The following C1orf94 variants were observed in gnomAD, a reference collection of about 807,000 sequenced individuals.
C1orf94 encodes the protein uncharacterized protein C1orf94.
A neutral mutation model predicts 53.6 loss-of-function variants in C1orf94; 45 were observed. That is an observed-to-expected ratio of 0.84 (90% CI 0.66 to 1.08). The LOEUF (loss-of-function observed/expected upper bound fraction) is 1.08. C1orf94 is among the 50% of genes least tolerant of loss of function. C1orf94 has a pLI of 0.00. For synonymous variants in C1orf94, 304 were observed against 296.1 expected (o/e 1.03, Z -0.27); for missense variants, 762 against 738.9 (o/e 1.03, Z -0.36).
At chr1:34,175,566 C>T (rs1198891620), upstream of C1orf94, among the ~76,000 whole-genome samples, 2 of 152,220 alleles carry the variant, frequency 1.3e-5, no homozygotes, top group African/African-American at 4.8e-5. Flanking sequence ...GAGAATGAAG[C>T]TCAGATTTCA....
At position 34,218,812 on chromosome 1, in the gene C1orf94, C is replaced by A; in HGVS notation, c.*51C>A. ...TTAGCCCTTGGATCAGGACTAGGGG[C>A]TCTGATTTTTGGATTCTGCAAAAGC... On this transcript the variant is annotated 3_prime_UTR_variant, in exon 7 of 7. Transcript: ENST00000488417. 1 of 1,471,758 alleles carries A rather than the reference C, an allele frequency of 6.8e-7. No homozygotes were observed. The highest frequency in any genetic ancestry group is 9.2e-7 in the Non-Finnish European group (1 of 1,083,124). The allele number at this position is 1,471,758 out of a possible 1,614,324, so 91.2% of individuals were successfully genotyped here. A position where few individuals can be genotyped will look rare whatever the true frequency, so the allele number is the denominator to read the frequency against.
At position 34,178,082 on chromosome 1, in the gene C1orf94, G is replaced by A. The variant is rs1357733317; in HGVS notation, c.293G>A (p.Arg98Lys). The part of the protein sequence containing the change: ...QLSVPVVGTL[R>K]GNELSFQEEA... ...TCTGTCCCTGTGGTTGGAACTCTAA[G>A]AGGCAATGAGCTCAGCTTTCAAGAA... The change falls in exon 1 of 7, where the codon AGA becomes AAA. Residue 98 changes from arginine (R) to lysine (K), a missense_variant. Arg to Lys is a conservative substitution (Grantham distance 26, BLOSUM62 2). Coordinates refer to ENST00000488417, the MANE Select transcript of C1orf94 (RefSeq NM_001134734.2). The A allele has an allele frequency of 1.3e-6, 2 of 1,551,668 alleles. No homozygotes were observed. Among genetic ancestry groups the A allele is most frequent in the East Asian group, 2.4e-5 (1 of 40,908 alleles).
intron 1 of C1orf94, among the ~76,000 whole-genome samples, chr1:34,191,854 G>A (rs894120358): frequency 5.9e-5 from 9 of 152,174 alleles, no homozygotes; most frequent in African/African-American, 2.2e-4. Context: ...GAGAAGGGGT[G>A]CCAACCAGTC....
upstream of C1orf94, among the ~76,000 whole-genome samples, chr1:34,174,297 G>A (rs1403130612): frequency 1.3e-5 from 2 of 152,174 alleles, no homozygotes; most frequent in Non-Finnish European, 2.9e-5. Context: ...TGTATAACAC[G>A]TTTATCTGTC....
rs1346168352 is a variant in C1orf94, at chr1:34,197,330, G to A, written c.426G>A (p.Gly142=). ...EHSILVEESS[G]ELEVPGSSPE... ...CGATCCTGGTCGAAGAGAGTTCTGG[G>A]GAGCTGGAGGTACCCGGCAGCTCTC... is the stretch of plus-strand genomic sequence containing the variant. Residue 142 remains glycine (G), a synonymous_variant, in exon 2 of 7, where the codon GGG becomes GGA. Transcript: ENST00000488417. The surrounding 1 kb of genome is among the most constrained non-coding windows in gnomAD (Gnocchi z 4.1). 2 of 1,580,088 alleles carry A rather than the reference G, an allele frequency of 1.3e-6. No individual in the cohort carries two copies. The highest frequency in any genetic ancestry group is 1.4e-5 in the African/African-American group (1 of 73,938).
chr1:34,176,717 G>T (rs1199096110), upstream of C1orf94, among the ~76,000 whole-genome samples: 2 of 152,208 alleles, frequency 1.3e-5, no homozygotes, highest in African/African-American at 4.8e-5. Flanking sequence ...CCCATAAAAT[G>T]GCAGTTAGGA....
intron 5 of C1orf94, among the ~76,000 whole-genome samples, chr1:34,209,551 A>C (rs1017033210): frequency 6.6e-6 from 1 of 152,086 alleles, no homozygotes; most frequent in Non-Finnish European, 1.5e-5. Context: ...GGACACCCCC[A>C]CACTCCAACT....
rs1287534983 is a variant in C1orf94 at position 34,185,132 on chromosome 1, C to T, written c.320+7023C>T. ...AGTTGGAACCCTTTGCTCTGAGACC[C>T]AACCCTTAAGCAAGTGTCTCCCTCT... On this transcript the variant is annotated intron_variant, in intron 1 of 6. Coordinates refer to ENST00000488417, the MANE Select transcript of C1orf94 (RefSeq NM_001134734.2). Among the ~76,000 whole-genome samples, 6 of 152,104 alleles carry T rather than the reference C, an allele frequency of 3.9e-5. No individual in the cohort carries two copies. In the East Asian group the frequency reaches 9.6e-4, roughly 24 times the overall value.
rs1048646162 is a variant in C1orf94 at position 34,177,590 on chromosome 1, G to T, written c.-200G>T. 9.3e-6 allele frequency: 5 copies of T among 534,808 alleles called. No homozygotes were observed. The highest frequency in any genetic ancestry group is 1.3e-5 in the Non-Finnish European group (4 of 303,036). The allele number at this position is 534,808 out of a possible 1,614,324, so 33.1% of individuals were successfully genotyped here. A position where few individuals can be genotyped will look rare whatever the true frequency, so the allele number is the denominator to read the frequency against. ...TTTAAATATTTTCTTCTAAGGGAGA[G>T]GGGGAGGGAGGCAAAAGTCAGGAAA... is the stretch of plus-strand genomic sequence containing the variant. On this transcript the variant is annotated 5_prime_UTR_variant, in exon 1 of 7. In the 5' UTR this introduces an upstream ATG that the reference lacks. Transcript: ENST00000488417.
chr1:34,183,472 C>A (rs1024902776), intron 1 of C1orf94, among the ~76,000 whole-genome samples: 1 of 152,166 alleles, frequency 6.6e-6, no homozygotes, highest in Non-Finnish European at 1.5e-5. Flanking sequence ...GTCCCAGGGA[C>A]ACAGAGATAA....
chr1:34,177,661 A>C lies in C1orf94; in HGVS notation c.-129A>C. The C allele has an allele frequency of 1.2e-5, 10 of 801,052 alleles. No homozygotes were observed. In the South Asian group the frequency reaches 2.2e-4, roughly 18 times the overall value. The allele number at this position is 801,052 out of a possible 1,614,324, so 49.6% of individuals were successfully genotyped here. On this transcript the variant is annotated 5_prime_UTR_variant, in exon 1 of 7. Coordinates refer to ENST00000488417, the MANE Select transcript of C1orf94 (RefSeq NM_001134734.2). Reference sequence around the variant, plus strand: ...AAATAAGCCCTCCCCTCCCCAAAAGAAAGCTGTCCTCCACCCACCCCTCCC... The same window carrying C: ...AAATAAGCCCTCCCCTCCCCAAAAGCAAGCTGTCCTCCACCCACCCCTCCC...
chr1:34,206,866 A>G (rs945654093), intron 4 of C1orf94, among the ~76,000 whole-genome samples: 3 of 152,130 alleles, frequency 2.0e-5, no homozygotes, highest in Non-Finnish European at 2.9e-5. Flanking sequence ...AGTGGACAAA[A>G]GTGGGAGGGG....
chr1:34,216,042 A>T (rs1642982780), intron 6 of C1orf94, among the ~76,000 whole-genome samples: 1 of 152,086 alleles, frequency 6.6e-6, no homozygotes, highest in African/African-American at 2.4e-5. Flanking sequence ...AACAAACAAA[A>T]AACAAAAAAT....
In C1orf94 at chr1:34,218,956, TACACAC is replaced by T. The variant is rs67041028; in HGVS notation, c.*209_*214del. ...AGCCCTCCTCACACATGGCACAAGC[TACACAC>T]ACACACACACACATGACCCTCATAT... On this transcript the variant is annotated 3_prime_UTR_variant, in exon 7 of 7. Coordinates refer to ENST00000488417, the MANE Select transcript of C1orf94 (RefSeq NM_001134734.2). The T allele has an allele frequency of 1.6e-5, 6 of 371,896 alleles. No individual in the cohort carries two copies. Among genetic ancestry groups the T allele is most frequent in the Middle Eastern group, 6.5e-4 (1 of 1,544 alleles). 23.0% of individuals were successfully genotyped at this position (371,896 alleles called of 1,614,324 possible). A position where few individuals can be genotyped will look rare whatever the true frequency, so the allele number is the denominator to read the frequency against.
chr1:34,207,409 C>A (rs1642817953), intron 4 of C1orf94, among the ~76,000 whole-genome samples: 1 of 152,140 alleles, frequency 6.6e-6, no homozygotes, highest in African/African-American at 2.4e-5. Flanking sequence ...AGGGAGGAGG[C>A]AGTGATGGAT....
Position 34,169,104 on chromosome 1 carries a change from C to T in C1orf94, c.-251+1933C>T, listed in dbSNP as rs538530821. 1.6e-4 allele frequency among the ~76,000 whole-genome samples: 23 copies of T among 142,810 alleles called. 1 individual carries two copies. In the South Asian group the frequency reaches 4.3e-3, roughly 27 times the overall value. The allele number at this position is 142,810 out of a possible 152,430, so 93.7% of individuals were successfully genotyped here. On this transcript the variant is annotated intron_variant, in intron 1 of 6. Coordinates refer to the C1orf94 transcript ENST00000373374. ...GGGAAAGAGACGCCAAGTGATGTGGCCTGACATATACTCTAACTTCTCTGT... is the reference window on the plus strand; with the variant it reads ...GGGAAAGAGACGCCAAGTGATGTGGTCTGACATATACTCTAACTTCTCTGT...
chr1:34,187,972 T>TG lies in C1orf94; in HGVS notation c.321-9251dup, dbSNP rs1384169471. Among the ~76,000 whole-genome samples the TG allele has an allele frequency of 2.0e-5, 3 of 152,134 alleles. No individual in the cohort carries two copies. In the East Asian group the frequency reaches 5.8e-4, roughly 29 times the overall value. ...AAGCATCTAGAGGGACATTCTCACC[T>TG]GGCTGGGTGTCTGCAAGTGCACCAT... On this transcript the variant is annotated intron_variant, in intron 1 of 6. Coordinates refer to ENST00000488417, the MANE Select transcript of C1orf94 (RefSeq NM_001134734.2).
At chr1:34,209,299 C>T (rs1211424546) in intron 5 of C1orf94, among the ~76,000 whole-genome samples, 2 of 151,752 alleles carry the variant, frequency 1.3e-5, no homozygotes, top group South Asian at 4.2e-4. Flanking sequence ...CACACACACA[C>T]ACACACACAC....
intron 1 of C1orf94, among the ~76,000 whole-genome samples, chr1:34,183,516 G>C (rs1642341068): frequency 6.6e-6 from 1 of 152,232 alleles, no homozygotes; most frequent in South Asian, 2.1e-4. Flanking sequence ...AGAGCTCCCA[G>C]TCTAGTGGGT....
Sources: allele counts gnomAD v4.1 joint callset (sites outside exome capture counted in the v4.1 genomes callset), GRCh38; gene constraint gnomAD v4.1.1; non-coding constraint Gnocchi (gnomAD v3.1); transcripts MANE v1.5; gene names NCBI Gene and HGNC (gene_info 2026-07-23, HGNC 2026-07-21).